The following RESF1 variants were observed in gnomAD, a reference collection of about 807,000 sequenced individuals.
RESF1 encodes the protein gonad expressed transcript.
In RESF1, 65 loss-of-function variants were observed where a neutral mutation model predicts 134.7. The observed-to-expected ratio is 0.48, with a 90% CI of 0.40 to 0.59. The LOEUF is 0.59. Ranked by LOEUF, RESF1 falls within the 20% of genes least tolerant of loss-of-function variation. The pLI is 0.00. For missense variants in RESF1, 2,274 were observed against 2,002.7 expected, an observed-to-expected ratio of 1.14 and a Z score of -2.59; for synonymous variants, 762 against 702.2, an observed-to-expected ratio of 1.09 and a Z score of -1.35.
At chr12:31,991,085 G>C (rs1940084221) in intron 5 of RESF1, among the ~76,000 whole-genome samples, 1 of 151,942 alleles carries the variant, frequency 6.6e-6, no homozygotes, top group African/African-American at 2.4e-5. Context: ...TGTGGTCCCA[G>C]CTGCTTGGCA....
intron 3 of RESF1, among the ~76,000 whole-genome samples, chr12:31,970,831 G>T (rs1259299743): frequency 6.6e-6 from 1 of 152,022 alleles, no homozygotes; most frequent in South Asian, 2.1e-4. Context: ...ATCCTCCAAC[G>T]AAAAAAGACA....
intron 4 of RESF1, among the ~76,000 whole-genome samples, chr12:31,986,308 G>A (rs1056047137): frequency 6.6e-6 from 1 of 152,306 alleles, no homozygotes; most frequent in Non-Finnish European, 1.5e-5. Context: ...TAATGTAAGA[G>A]TCTTGGTTTT....
At chr12:31,979,901 A>G (rs1939735849) in intron 3 of RESF1, among the ~76,000 whole-genome samples, 1 of 150,852 alleles carries the variant, frequency 6.6e-6, no homozygotes, top group Non-Finnish European at 1.5e-5. Flanking sequence ...CCACCACTTT[A>G]TGGAGGTCAG....
Position 31,984,278 on chromosome 12 carries a change from T to C in RESF1, c.3323T>C (p.Ile1108Thr). 1.2e-6 allele frequency: 2 copies of C among 1,613,800 alleles called. No individual in the cohort carries two copies. Among genetic ancestry groups the C allele is most frequent in the African/African-American group, 1.3e-5 (1 of 74,988 alleles). The change falls in exon 4 of 6, where the codon ATA (isoleucine) becomes ACA (threonine). Residue 1108 changes from isoleucine (I) to threonine (T), a missense_variant. By Grantham distance (89) the Ile-to-Thr change is moderately conservative (BLOSUM62 -1). Transcript: ENST00000312561. ...CCAGCAGATCAAATACAAATTACAA[T>C]ATTAAGCTCAGAGCAAATGAAAGAA... ...KDPADQIQIT[I>T]LSSEQMKEIF...
In RESF1 at chr12:31,984,032, A is replaced by T; in HGVS notation, c.3077A>T (p.Asp1026Val). The T allele has an allele frequency of 1.2e-6, 2 of 1,614,102 alleles. No homozygotes were observed. The highest frequency in any genetic ancestry group is 1.7e-6 in the Non-Finnish European group (2 of 1,179,974). Residue 1026 changes from aspartate (D) to valine (V), a missense_variant, in exon 4 of 6, where the codon GAT (aspartate) becomes GTT (valine). Transcript: ENST00000312561. ...GAGGATATTTACCCTCAGGAAATAG[A>T]TGCATCCAGCAACTATACTCCCCAA... ...IQEDIYPQEI[D>V]ASSNYTPQDP...
Position 31,981,952 on chromosome 12 carries a change from A to C in RESF1, c.997A>C (p.Thr333Pro), listed in dbSNP as rs190287613. The C allele has an allele frequency of 6.2e-7, 1 of 1,614,224 alleles. No homozygotes were observed. The highest frequency in any genetic ancestry group is 8.5e-7 in the Non-Finnish European group (1 of 1,180,040). The stretch of plus-strand genomic sequence containing the variant: ...GCAAAACCCTAATGAAAATGTCAGC[A>C]CAATTGGAAATTTCACTAACTTGAA... ...QWQNPNENVSTIGNFTNLKVN... is the reference protein window; with the variant it reads ...QWQNPNENVSPIGNFTNLKVN... The change falls in exon 4 of 6, where the codon ACA becomes CCA. Residue 333 changes from threonine to proline, a missense_variant. Transcript: ENST00000312561.
chr12:31,984,399 C>T lies in RESF1; in HGVS notation c.3444C>T (p.Asp1148=), dbSNP rs372559305. Reference sequence around the variant, plus strand: ...TCACAGAAGTAGTTAGCCAGTGTGACCTGCAGGCACCTGCAGCTGGACAAA... The same window carrying T: ...TCACAGAAGTAGTTAGCCAGTGTGATCTGCAGGCACCTGCAGCTGGACAAA... ...EPITEVVSQC[D]LQAPAAGQSR... is the part of the protein sequence containing the mutation. The change falls in exon 4 of 6, where the codon GAC becomes GAT. Residue 1148 remains aspartate (D), a synonymous_variant. Coordinates refer to ENST00000312561, the MANE Select transcript of RESF1 (RefSeq NM_018169.4). The T allele has an allele frequency of 1.3e-5, 21 of 1,614,012 alleles. No homozygotes were observed. Among genetic ancestry groups the T allele is most frequent in the Non-Finnish European group, 1.8e-5 (21 of 1,180,012 alleles).
intron 3 of RESF1, among the ~76,000 whole-genome samples, chr12:31,978,541 TTTTTG>T (rs1939690842): frequency 6.6e-6 from 1 of 150,404 alleles, no homozygotes; most frequent in Non-Finnish European, 1.5e-5. Flanking sequence ...TTGGGGTTTT[TTTTTG>T]TTTTTTGTTT....
At chr12:31,974,170 C>T (rs1939577275) in intron 3 of RESF1, among the ~76,000 whole-genome samples, 1 of 151,450 alleles carries the variant, frequency 6.6e-6, no homozygotes, top group African/African-American at 2.4e-5. Flanking sequence ...CAGGTGCTGC[C>T]CCACCCTACG....
intron 5 of RESF1, among the ~76,000 whole-genome samples, 193 bp from the exon 6 acceptor site, chr12:31,992,185 A>G (rs1238455697): frequency 3.3e-5 from 5 of 152,116 alleles, no homozygotes; most frequent in South Asian, 2.1e-4. Context: ...ACAGCCCCCA[A>G]AAGAAAGGCA....
chr12:31,971,237 G>A (rs1305157110), intron 3 of RESF1, among the ~76,000 whole-genome samples: 1 of 152,164 alleles, frequency 6.6e-6, no homozygotes. Context: ...CCGCCTCCCG[G>A]ATTCAAGTGA....
chr12:31,979,502 C>G (rs78158165), intron 3 of RESF1, among the ~76,000 whole-genome samples: 3,401 of 152,140 alleles, frequency 0.022, 137 homozygotes, highest in African/African-American at 0.078. Context: ...TTCTGTTCAC[C>G]AGCCCAGAAG....
rs1459034464 is a variant in RESF1, at chr12:31,985,727, A to T, written c.4772A>T (p.Glu1591Val). Residue 1591 changes from glutamate (E) to valine (V), a missense_variant, in exon 4 of 6, where the codon GAA (glutamate) becomes GTA (valine). Physicochemically the swap from Glu to Val is moderately radical, Grantham distance 121. Coordinates refer to ENST00000312561, the MANE Select transcript of RESF1 (RefSeq NM_018169.4). ...AATAGAGTTGGGTTTAAATGCACTG[A>T]ACGTGAAAGCATTTCTCTCACCAAA... ...YLNRVGFKCTERESISLTKLE... is the reference protein window; with the variant it reads ...YLNRVGFKCTVRESISLTKLE... 6.3e-7 allele frequency: 1 copy of T among 1,595,078 alleles called. No individual in the cohort carries two copies. The highest frequency in any genetic ancestry group is 1.9e-5 in the Admixed American group (1 of 54,006).
In RESF1 at chr12:31,985,778, A is replaced by C; in HGVS notation, c.4823A>C (p.His1608Pro). 1.9e-6 allele frequency: 3 copies of C among 1,571,424 alleles called. No homozygotes were observed. Among genetic ancestry groups the C allele is most frequent in the Non-Finnish European group, 2.6e-6 (3 of 1,166,068 alleles). ...TTAGAAAGTTCACCCAGGAAGCTTC[A>C]TAAAGATAAGAGACAGGAAAATAAA... is the stretch of plus-strand genomic sequence containing the variant. ...TKLESSPRKL[H>P]KDKRQENKHK... Residue 1608 changes from histidine to proline, a missense_variant, in exon 4 of 6, where the codon CAT becomes CCT. Transcript: ENST00000312561.
At position 31,984,472 on chromosome 12, in the gene RESF1, T is replaced by C. The variant is rs1939906072; in HGVS notation, c.3517T>C (p.Cys1173Arg). Residue 1173 changes from cysteine to arginine, a missense_variant, in exon 4 of 6, where the codon TGT becomes CGT. Transcript: ENST00000312561. ...LDSEKDDIHC[C>R]ALGWLSMVYE... The stretch of plus-strand genomic sequence containing the variant: ...CTCTGAGAAAGATGATATCCACTGC[T>C]GTGCATTGGGCTGGCTCTCCATGGT... 6.2e-7 allele frequency: 1 copy of C among 1,613,566 alleles called. No homozygotes were observed. Among genetic ancestry groups the C allele is most frequent in the South Asian group, 1.1e-5 (1 of 91,068 alleles).
chr12:31,968,212 A>C (rs1380670466), intron 2 of RESF1, among the ~76,000 whole-genome samples: 2 of 152,228 alleles, frequency 1.3e-5, no homozygotes, highest in Non-Finnish European at 2.9e-5. Flanking sequence ...GAACATAAGA[A>C]GTGGAACTTA....
intron 3 of RESF1, among the ~76,000 whole-genome samples, chr12:31,974,848 G>T (rs749929249): frequency 6.6e-6 from 1 of 151,782 alleles, no homozygotes; most frequent in Non-Finnish European, 1.5e-5. Flanking sequence ...CCAACCTTGT[G>T]GACTAGTCAA....
At chr12:31,965,511 GTC>G (rs765473961) in intron 2 of RESF1, among the ~76,000 whole-genome samples, 3 of 152,138 alleles carry the variant, frequency 2.0e-5, no homozygotes, top group Non-Finnish European at 4.4e-5. Flanking sequence ...TTTAAAATAA[GTC>G]TCTGCTTTGG....
intron 5 of RESF1, among the ~76,000 whole-genome samples, chr12:31,989,282 G>C (rs879426875): frequency 6.6e-6 from 1 of 150,702 alleles, no homozygotes; most frequent in Admixed American, 6.7e-5. Flanking sequence ...TGTAGTCCCA[G>C]CTACTCGGGA....
Sources: gnomAD v4.1 joint callset for allele counts (sites outside exome capture counted in the v4.1 genomes callset) on GRCh38, gnomAD v4.1.1 for gene constraint, MANE v1.5 for transcripts, NCBI Gene and HGNC (gene_info 2026-07-23, HGNC 2026-07-21) for gene names.